CUEDC1: variants seen among roughly 807,000 people sequenced by gnomAD.
The protein encoded by CUEDC1 is CUE domain-containing protein 1.
In CUEDC1, 30 loss-of-function variants were observed where a neutral mutation model predicts 43.7. The ratio of observed to expected loss-of-function variants is 0.69; its 90% CI spans 0.51 to 0.93. The LOEUF is 0.93. CUEDC1 is among the 40% of genes least tolerant of loss of function. The pLI, the probability that CUEDC1 is intolerant of heterozygous loss-of-function variation, is 0.00. For synonymous variants in CUEDC1, 223 were observed against 223.6 expected, an observed-to-expected ratio of 1.00 and a Z score of 0.02; for missense variants, 486 against 549.0, an observed-to-expected ratio of 0.89 and a Z score of 1.15.
chr17:57,938,293 TATG>T lies in CUEDC1; in HGVS notation c.-316+16929_-316+16931del, dbSNP rs2074880988. Among the ~76,000 whole-genome samples the T allele has an allele frequency of 2.0e-5, 3 of 152,364 alleles. No homozygotes were observed. In the South Asian group the frequency reaches 6.2e-4, roughly 32 times the overall value. ...ATAAATACACGTTTACTCTCTGGTT[TATG>T]ATGTCATGGCCTAACGCCCTATAAA... On this transcript the variant is annotated intron_variant, in intron 1 of 10. Coordinates refer to ENST00000577830, the MANE Select transcript of CUEDC1 (RefSeq NM_001271875.2).
intron 9 of CUEDC1, 76 bp downstream of exon 9, chr17:57,867,281 T>C (rs2144911044): frequency 5.7e-6 from 8 of 1,408,190 alleles, no homozygotes; most frequent in South Asian, 3.7e-5. Flanking sequence ...GGTGCTCCCA[T>C]GAAACACCCA....
intron 1 of CUEDC1, among the ~76,000 whole-genome samples, chr17:57,891,691 C>A (rs2074356473): frequency 6.6e-6 from 1 of 152,230 alleles, no homozygotes; most frequent in Admixed American, 6.5e-5. Context: ...ACGAGCCAAG[C>A]ACACTCCCAC....
At chr17:57,944,572 T>C (rs899979817) in intron 1 of CUEDC1, among the ~76,000 whole-genome samples, 1 of 152,368 alleles carries the variant, frequency 6.6e-6, no homozygotes, top group South Asian at 2.1e-4. Flanking sequence ...ACCAGCTCTA[T>C]TTAACATATG....
At chr17:57,884,150 C>G (rs530606662) in intron 2 of CUEDC1, among the ~76,000 whole-genome samples, 1 of 151,388 alleles carries the variant, frequency 6.6e-6, no homozygotes, top group Non-Finnish European at 1.5e-5. Context: ...ACTCCCTTTC[C>G]GTGGCTATGC....
intron 1 of CUEDC1, among the ~76,000 whole-genome samples, chr17:57,925,634 G>T (rs2074739806): frequency 6.6e-6 from 1 of 152,154 alleles, no homozygotes; most frequent in African/African-American, 2.4e-5. Flanking sequence ...GAAGATCCCT[G>T]CCAGTGCCGC....
intron 3 of CUEDC1, among the ~76,000 whole-genome samples, chr17:57,875,849 C>A (rs1324599757): frequency 6.6e-6 from 1 of 152,120 alleles, no homozygotes; most frequent in Non-Finnish European, 1.5e-5. Context: ...CTCAGGACTT[C>A]CAGGTAAAAT....
chr17:57,877,164 G>C (rs1218746860), intron 3 of CUEDC1, among the ~76,000 whole-genome samples: 1 of 152,192 alleles, frequency 6.6e-6, no homozygotes, highest in Non-Finnish European at 1.5e-5. Flanking sequence ...CCTCAAGCAA[G>C]AGCAGTAACT....
At chr17:57,921,218 C>T (rs1183123595) in intron 1 of CUEDC1, among the ~76,000 whole-genome samples, 10 of 151,868 alleles carry the variant, frequency 6.6e-5, no homozygotes, top group Non-Finnish European at 4.4e-5. Flanking sequence ...CTCTCCTCCA[C>T]GGGCCTGTGT....
intron 1 of CUEDC1, among the ~76,000 whole-genome samples, chr17:57,909,998 G>A (rs1048945666): frequency 6.6e-6 from 1 of 152,156 alleles, no homozygotes; most frequent in African/African-American, 2.4e-5. Flanking sequence ...GTTTTGTTTT[G>A]TTTTAGAGAT....
chr17:57,893,299 G>A (rs1479766928), intron 1 of CUEDC1, among the ~76,000 whole-genome samples: 2 of 151,958 alleles, frequency 1.3e-5, no homozygotes, highest in African/African-American at 2.4e-5. Context: ...GGCCCCAAAA[G>A]GGGGTGAAAG....
chr17:57,873,586 G>C lies in CUEDC1; in HGVS notation c.591+5C>G. The stretch of plus-strand genomic sequence containing the variant: ...GGAGTGGAAGGCGGGGGCGGCCCCT[G>C]TTACCTGTATGCTGTCCAGCTGCTG... On this transcript the variant is annotated splice_donor_5th_base_variant and intron_variant, in intron 4 of 10. Transcript: ENST00000577830. The C allele has an allele frequency of 6.4e-7, 1 of 1,559,936 alleles. No individual in the cohort carries two copies. Among genetic ancestry groups the C allele is most frequent in the Non-Finnish European group, 8.7e-7 (1 of 1,151,328 alleles).
At chr17:57,944,168 A>G (rs913762516) in intron 1 of CUEDC1, among the ~76,000 whole-genome samples, 2 of 151,140 alleles carry the variant, frequency 1.3e-5, no homozygotes, top group Non-Finnish European at 2.9e-5. Context: ...GTAAGCATGC[A>G]ATAAATGTTA....
intron 1 of CUEDC1, among the ~76,000 whole-genome samples, chr17:57,886,177 G>A (rs2074288812): frequency 6.6e-6 from 1 of 152,200 alleles, no homozygotes; most frequent in South Asian, 2.1e-4. Flanking sequence ...TGCCCATGTT[G>A]CAGATGGGAA....
At chr17:57,917,792 TGA>T (rs1397174457) in intron 1 of CUEDC1, among the ~76,000 whole-genome samples, 2 of 152,192 alleles carry the variant, frequency 1.3e-5, no homozygotes, top group African/African-American at 2.4e-5. Flanking sequence ...ACACTGAGGC[TGA>T]GAGAATGCAG....
intron 1 of CUEDC1, among the ~76,000 whole-genome samples, chr17:57,952,072 G>A (rs539722197): frequency 2.0e-5 from 3 of 152,232 alleles, no homozygotes; most frequent in East Asian, 3.9e-4. Context: ...AGAAGTCATG[G>A]CCACTGGGGA....
intron 1 of CUEDC1, among the ~76,000 whole-genome samples, chr17:57,899,132 C>T (rs114532203): frequency 2.0e-5 from 3 of 152,164 alleles, no homozygotes; most frequent in African/African-American, 7.2e-5. Flanking sequence ...GCAGCAGCTG[C>T]GGCTGGGAGG....
chr17:57,886,251 C>T (rs1262463547), intron 1 of CUEDC1, among the ~76,000 whole-genome samples: 1 of 152,186 alleles, frequency 6.6e-6, no homozygotes, highest in African/African-American at 2.4e-5. Context: ...ATATGGCCCT[C>T]AAGTCACTGG....
At position 57,954,856 on chromosome 17, in the gene CUEDC1, C is replaced by T. The variant is rs1480697888; in HGVS notation, c.-316+369G>A. Among the ~76,000 whole-genome samples, 1 of 151,846 alleles carries T rather than the reference C, an allele frequency of 6.6e-6. No individual in the cohort carries two copies. The highest frequency in any genetic ancestry group is 6.6e-5 in the Admixed American group (1 of 15,264). ...GGAGCGGCGGGAGAGGGGACTCGGG[C>T]GAAGCCGGCTCCGGGAGGCCTCGTC... On this transcript the variant is annotated intron_variant, in intron 1 of 10. Transcript: ENST00000577830. The surrounding 1 kb of genome is among the most constrained non-coding windows in gnomAD (Gnocchi z 4.3).
intron 1 of CUEDC1, among the ~76,000 whole-genome samples, chr17:57,892,973 G>C (rs2074371035): frequency 6.6e-6 from 1 of 152,258 alleles, no homozygotes; most frequent in Admixed American, 6.5e-5. Context: ...CCGCCTCTGT[G>C]CAAGCCACGA....
Sources: gnomAD v4.1 joint callset for allele counts (sites outside exome capture counted in the v4.1 genomes callset) on GRCh38, gnomAD v4.1.1 for gene constraint, Gnocchi (gnomAD v3.1) non-coding constraint, MANE v1.5 for transcripts, NCBI Gene and HGNC (gene_info 2026-07-23, HGNC 2026-07-21) for gene names.